The following ZNF837 variants were observed in gnomAD, a reference collection of about 807,000 sequenced individuals.
ZNF837 encodes the protein zinc finger protein 837.
For synonymous variants in ZNF837, 475 were observed against 365.2 expected (o/e 1.30, Z -3.43); for missense variants, 955 against 801.7 (o/e 1.19, Z -2.31).
rs1450449912 is a variant in ZNF837, at chr19:58,369,200, TG to T, written c.132del (p.Thr45LeufsTer28). The T allele has an allele frequency of 6.9e-7, 1 of 1,448,028 alleles. No individual in the cohort carries two copies. The allele number at this position is 1,448,028 out of a possible 1,614,324, so 89.7% of individuals were successfully genotyped here. ...GCTCCACGCAGGTCCCCCTTTTGAG[TG>T]GGGCGGCTCCCAGCTCGGTCCTCTT... ...PLEEDRAGSR[P>X]TQKGDLRGAA... On this transcript the variant is annotated frameshift_variant, in exon 3 of 3. Coordinates refer to ENST00000597582, the MANE Select transcript of ZNF837 (RefSeq NM_138466.2). LOFTEE classifies it low-confidence loss of function (END_TRUNC).
intron 2 of ZNF837, chr19:58,369,594 T>G: frequency 1.4e-5 from 5 of 345,308 alleles, no homozygotes; most frequent in East Asian, 4.2e-5. Flanking sequence ...GCCATCACCG[T>G]TCCTCCCCAA....
intron 1 of ZNF837, among the ~76,000 whole-genome samples, chr19:58,371,306 G>A (rs558853619): frequency 6.6e-6 from 1 of 152,074 alleles, no homozygotes; most frequent in African/African-American, 2.4e-5. Context: ...TACTCAGGAG[G>A]CTAAGGCAGG....
rs758638996 is a variant in ZNF837 at position 58,368,733 on chromosome 19, G to A, written c.600C>T (p.Cys200=). 6 of 1,537,340 alleles carry A rather than the reference G, an allele frequency of 3.9e-6. No individual in the cohort carries two copies. In the South Asian group the frequency reaches 6.0e-5, roughly 15 times the overall value. ...RNPLVEQPRA[C]ACGEAFAWRA... is the part of the protein sequence containing the mutation. ...TCCACGCAAAGGCCTCGCCGCACGC[G>A]CAAGCCCGGGGCTGCTCCACCAAGG... The change falls in exon 3 of 3, where the codon TGC becomes TGT. Residue 200 remains cysteine, a synonymous_variant. Transcript: ENST00000597582.
At chr19:58,376,554 C>CAAAAAAAAAAAAAAAAAAAAAAAAAAAAA (rs59075587) in intron 1 of ZNF837, among the ~76,000 whole-genome samples, 9 of 67,798 alleles carry the variant, frequency 1.3e-4, no homozygotes, top group Admixed American at 5.2e-4. Context: ...GACTCTGTCT[C>CAAAAAAAAAAAAAAAAAAAAAAAAAAAAA]AAAAAAAAAA....
At position 58,367,903 on chromosome 19, in the gene ZNF837, C is replaced by T. The variant is rs768331238; in HGVS notation, c.1430G>A (p.Cys477Tyr). ...CACGAAGGCCTTGCCGCAGTCGCGG[C>T]AGATGTAGGGCTTCTCGCCCGAGTG... ...RLHSGEKPYI[C>Y]RDCGKAFVRN... Residue 477 changes from cysteine to tyrosine, a missense_variant, in exon 3 of 3, where the codon TGC becomes TAC. Transcript: ENST00000597582. The T allele has an allele frequency of 1.3e-5, 20 of 1,534,892 alleles. No homozygotes were observed. The South Asian group carries it at 2.3e-4, about 17-fold the overall frequency.
chr19:58,369,186 G>T lies in ZNF837; in HGVS notation c.147C>A (p.Asp49Glu), dbSNP rs1172769120. Residue 49 changes from aspartate (D) to glutamate (E), a missense_variant, in exon 3 of 3, where the codon GAC (aspartate) becomes GAA (glutamate). Transcript: ENST00000597582. ...RAGSRPTQKGDLRGAAGGRTT... is the reference protein window; with the variant it reads ...RAGSRPTQKGELRGAAGGRTT... Reference sequence around the variant, plus strand: ...TCCTACCGCCCGCCGCTCCACGCAGGTCCCCCTTTTGAGTGGGGCGGCTCC... The same window carrying T: ...TCCTACCGCCCGCCGCTCCACGCAGTTCCCCCTTTTGAGTGGGGCGGCTCC... The T allele has an allele frequency of 2.1e-6, 3 of 1,450,096 alleles. No homozygotes were observed. The highest frequency in any genetic ancestry group is 2.7e-6 in the Non-Finnish European group (3 of 1,102,272). 89.8% of individuals were successfully genotyped at this position (1,450,096 alleles called of 1,614,324 possible).
Position 58,367,971 on chromosome 19 carries a change from C to T in ZNF837, c.1362G>A (p.Lys454=), listed in dbSNP as rs1384304794. The stretch of plus-strand genomic sequence containing the variant: ...GCAGCTCGGAGCAGCCGCGGAAGGT[C>T]TTTCCGCACTCGGAGCAGCCATAGG... ...ERPYGCSECG[K]TFRGCSELRQ... is the part of the protein sequence containing the mutation. The change falls in exon 3 of 3, where the codon AAG becomes AAA. Residue 454 remains lysine (K), a synonymous_variant. Transcript: ENST00000597582. 2.0e-6 allele frequency: 3 copies of T among 1,532,512 alleles called. No individual in the cohort carries two copies. The Admixed American group carries it at 5.9e-5, about 30-fold the overall frequency. 94.9% of individuals were successfully genotyped at this position (1,532,512 alleles called of 1,614,324 possible).
intron 1 of ZNF837, among the ~76,000 whole-genome samples, chr19:58,379,515 C>A (rs1335332837): frequency 4.6e-5 from 7 of 152,308 alleles, no homozygotes; most frequent in Non-Finnish European, 5.9e-5. Context: ...ACAATCGAGG[C>A]TCTGGGTCCC....
intron 1 of ZNF837, among the ~76,000 whole-genome samples, chr19:58,377,274 A>G (rs2122135178): frequency 6.9e-6 from 1 of 145,636 alleles, no homozygotes; most frequent in South Asian, 2.2e-4. Flanking sequence ...GCACTTTGGG[A>G]GGTGGGCAGA....
chr19:58,369,275 C>T lies in ZNF837; in HGVS notation c.58G>A (p.Gly20Ser). The T allele has an allele frequency of 7.1e-7, 1 of 1,407,794 alleles. No individual in the cohort carries two copies. Among genetic ancestry groups the T allele is most frequent in the South Asian group, 1.6e-5 (1 of 64,206 alleles). The allele number at this position is 1,407,794 out of a possible 1,614,324, so 87.2% of individuals were successfully genotyped here. The change falls in exon 3 of 3, where the codon GGT (glycine) becomes AGT (serine). Residue 20 changes from glycine (G) to serine (S), a missense_variant. Gly to Ser is a moderately conservative substitution (Grantham distance 56, BLOSUM62 0). Coordinates refer to ENST00000597582, the MANE Select transcript of ZNF837 (RefSeq NM_138466.2). ...QGGLPKADAQ[G>S]ASGAREKRPE... ...CTCTTCTCCCGGGCCCCGGAGGCAC[C>T]CTGGGCATCGGCCTTGGGGAGTCCT...
chr19:58,372,338 C>T (rs1337505118), intron 1 of ZNF837, among the ~76,000 whole-genome samples: 3 of 151,852 alleles, frequency 2.0e-5, no homozygotes, highest in Non-Finnish European at 2.9e-5. Context: ...GGATTATAGG[C>T]GTGAGTCACC....
rs1208608146 is a variant in ZNF837 at position 58,367,659 on chromosome 19, G to C, written c.*78C>G. ...AAGTTTAATCAAAGTTACAAACGTT[G>C]GTGGGTTTTCCGGGACAAAGGCCCC... On this transcript the variant is annotated 3_prime_UTR_variant, in exon 3 of 3. Transcript: ENST00000597582. The C allele has an allele frequency of 7.0e-6, 10 of 1,421,752 alleles. No homozygotes were observed. Among genetic ancestry groups the C allele is most frequent in the Admixed American group, 2.9e-5 (1 of 34,140 alleles). 88.1% of individuals were successfully genotyped at this position (1,421,752 alleles called of 1,614,324 possible).
chr19:58,374,031 C>T (rs2052222113), intron 1 of ZNF837, among the ~76,000 whole-genome samples: 1 of 152,198 alleles, frequency 6.6e-6, no homozygotes, highest in Non-Finnish European at 1.5e-5. Context: ...TCAGTGTTTG[C>T]CCTGAGGACA....
intron 1 of ZNF837, among the ~76,000 whole-genome samples, chr19:58,375,541 G>C (rs532996218): frequency 5.8e-4 from 87 of 149,410 alleles, no homozygotes; most frequent in Non-Finnish European, 1.1e-3. Flanking sequence ...TCTGCCTCCC[G>C]CGTTCAAGCA....
rs193215084 is a variant in ZNF837 at position 58,376,089 on chromosome 19, T to C, written c.-140+4852A>G. 8.4e-4 allele frequency among the ~76,000 whole-genome samples: 128 copies of C among 152,018 alleles called. 1 individual carries two copies. Among genetic ancestry groups the C allele is most frequent in the African/African-American group, 2.9e-3 (119 of 41,484 alleles). On this transcript the variant is annotated intron_variant, in intron 1 of 2. Transcript: ENST00000597582. ...GCCTGCCCCCACGCCCAGCTAATTTTTGTATTTTCAGTAGAGATGAGGTTT... is the reference window on the plus strand; with the variant it reads ...GCCTGCCCCCACGCCCAGCTAATTTCTGTATTTTCAGTAGAGATGAGGTTT...
intron 1 of ZNF837, among the ~76,000 whole-genome samples, chr19:58,375,816 C>G (rs951902789): frequency 1.3e-5 from 2 of 150,874 alleles, no homozygotes; most frequent in Non-Finnish European, 2.9e-5. Flanking sequence ...TGCAGCCTGT[C>G]AGGCGTCGGC....
intron 1 of ZNF837, among the ~76,000 whole-genome samples, chr19:58,375,371 TA>T (rs2052236565): frequency 6.8e-6 from 1 of 146,362 alleles, no homozygotes; most frequent in Non-Finnish European, 1.5e-5. Flanking sequence ...ATATTAGAGA[TA>T]TATATATACT....
intron 1 of ZNF837, among the ~76,000 whole-genome samples, chr19:58,375,317 T>A (rs2052235917): frequency 8.9e-6 from 1 of 111,884 alleles, no homozygotes; most frequent in African/African-American, 3.4e-5. Context: ...TATATAAAAT[T>A]ACATATATAC....
chr19:58,375,973 C>T (rs1022374404), intron 1 of ZNF837, among the ~76,000 whole-genome samples: 9 of 151,780 alleles, frequency 5.9e-5, no homozygotes, highest in Non-Finnish European at 1.0e-4. Context: ...GGCTGGAGTG[C>T]AGTGACACAA....
Sources: gnomAD v4.1 joint callset for allele counts (sites outside exome capture counted in the v4.1 genomes callset) on GRCh38, gnomAD v4.1.1 for gene constraint, MANE v1.5 for transcripts, NCBI Gene and HGNC (gene_info 2026-07-23, HGNC 2026-07-21) for gene names.